The following NKAIN2 variants were observed in gnomAD, a reference collection of about 807,000 sequenced individuals.
NKAIN2 encodes sodium/potassium-transporting ATPase subunit beta-1-interacting protein 2.
Under a neutral mutation model 32.6 loss-of-function variants are expected in NKAIN2, and 14 were observed. The observed-to-expected ratio is 0.43, with a 90% CI of 0.28 to 0.67. The LOEUF (loss-of-function observed/expected upper bound fraction) is 0.67, where lower values mean the gene tolerates loss of function less well. NKAIN2 is among the 30% of genes least tolerant of loss of function. The pLI is 0.17. For missense variants in NKAIN2, 198 were observed against 258.3 expected, an observed-to-expected ratio of 0.77 and a Z score of 1.60; for synonymous variants, 80 against 87.2, an observed-to-expected ratio of 0.92 and a Z score of 0.46.
At chr6:124,161,016 T>G (rs940927208) in intron 1 of NKAIN2, among the ~76,000 whole-genome samples, 1 of 152,218 alleles carries the variant, frequency 6.6e-6, no homozygotes, top group South Asian at 2.1e-4. Flanking sequence ...TAACTTACAC[T>G]AAATGTGACT....
intron 3 of NKAIN2, among the ~76,000 whole-genome samples, chr6:124,516,971 A>G (rs373937160): frequency 6.6e-6 from 1 of 152,320 alleles, no homozygotes; most frequent in East Asian, 1.9e-4. Flanking sequence ...TCTGTTCTGC[A>G]AGGGACATCT....
chr6:124,090,375 G>T (rs938072531), intron 1 of NKAIN2, among the ~76,000 whole-genome samples: 2 of 152,006 alleles, frequency 1.3e-5, no homozygotes, highest in Non-Finnish European at 2.9e-5. Context: ...TGACATGTGG[G>T]TTGGCGGTGG....
chr6:124,461,486 T>C lies in NKAIN2; in HGVS notation c.273+106139T>C, dbSNP rs144405411. On this transcript the variant is annotated intron_variant, in intron 3 of 6. Transcript: ENST00000368417. ...TCTGTGTTGCTTTTTTATCTCCTTC[T>C]TAATTACTTTTAGAAAATTTCTCTT... is the stretch of plus-strand genomic sequence containing the variant. Among the ~76,000 whole-genome samples, 271 of 151,912 alleles carry C rather than the reference T, an allele frequency of 1.8e-3. 1 individual carries two copies. Among genetic ancestry groups the C allele is most frequent in the African/African-American group, 6.5e-3 (269 of 41,542 alleles).
chr6:124,761,743 G>A (rs1429885884), intron 4 of NKAIN2, among the ~76,000 whole-genome samples: 1 of 151,954 alleles, frequency 6.6e-6, no homozygotes, highest in Non-Finnish European at 1.5e-5. Context: ...TGCAACATTT[G>A]TCATTGTTAT....
At position 124,818,379 on chromosome 6, in the gene NKAIN2, CT is replaced by C; in HGVS notation, c.536-4del. ...TGAAAAGCTAATTAATGAATTGTCCCTTTTCAGTTGATTTCATAGGTGGCTT... is the reference window on the plus strand; with the variant it reads ...TGAAAAGCTAATTAATGAATTGTCCCTTTCAGTTGATTTCATAGGTGGCTT... On this transcript the variant is annotated splice_region_variant and splice_polypyrimidine_tract_variant and intron_variant, in intron 5 of 6. Coordinates refer to ENST00000368417, the MANE Select transcript of NKAIN2 (RefSeq NM_001040214.3). The C allele has an allele frequency of 1.9e-6, 3 of 1,554,852 alleles. No homozygotes were observed. Among genetic ancestry groups the C allele is most frequent in the Non-Finnish European group, 2.7e-6 (3 of 1,127,772 alleles).
intron 1 of NKAIN2, among the ~76,000 whole-genome samples, chr6:123,930,593 A>C (rs1776209941): frequency 6.6e-6 from 1 of 152,212 alleles, no homozygotes; most frequent in African/African-American, 2.4e-5. Context: ...CTGCTATGGT[A>C]CCTTGTTTTG....
In NKAIN2 at chr6:123,916,513, C is replaced by T. The variant is rs559468568; in HGVS notation, c.54+112259C>T. Among the ~76,000 whole-genome samples, 22 of 152,248 alleles carry T rather than the reference C, an allele frequency of 1.4e-4. No individual in the cohort carries two copies. The South Asian group carries it at 4.4e-3, about 30-fold the overall frequency. On this transcript the variant is annotated intron_variant, in intron 1 of 6. Coordinates refer to ENST00000368417, the MANE Select transcript of NKAIN2 (RefSeq NM_001040214.3). ...CCCTGACCTCAAGGGATCTGCCTGC[C>T]TCGGCCTCCCAAGTGGTGGAATTAC...
chr6:124,524,150 CA>C (rs1467176435), intron 3 of NKAIN2, among the ~76,000 whole-genome samples: 3 of 152,164 alleles, frequency 2.0e-5, no homozygotes, highest in Non-Finnish European at 2.9e-5. Context: ...ACAAGATCAA[CA>C]GGCATTAGTT....
intron 1 of NKAIN2, among the ~76,000 whole-genome samples, chr6:124,128,122 C>A (rs1232945951): frequency 6.6e-6 from 1 of 152,166 alleles, no homozygotes; most frequent in African/African-American, 2.4e-5. Flanking sequence ...AGCCACCGTG[C>A]CTGGCCCATG....
intron 1 of NKAIN2, among the ~76,000 whole-genome samples, chr6:124,026,906 T>A (rs1781137546): frequency 6.6e-6 from 1 of 152,162 alleles, no homozygotes; most frequent in Non-Finnish European, 1.5e-5. Context: ...TGTGGTCTAG[T>A]GTGTGTCTCC....
At chr6:124,184,547 T>C (rs892536466) in intron 1 of NKAIN2, among the ~76,000 whole-genome samples, 3 of 152,112 alleles carry the variant, frequency 2.0e-5, no homozygotes, top group African/African-American at 7.2e-5. Context: ...CAGCACTGAG[T>C]ATCCCTCACT....
intron 3 of NKAIN2, among the ~76,000 whole-genome samples, chr6:124,588,275 ATTTAG>A (rs1404380044): frequency 1.3e-5 from 2 of 152,106 alleles, no homozygotes; most frequent in African/African-American, 2.4e-5. Flanking sequence ...ATTTTTTGTA[ATTTAG>A]TTTATTCATC....
intron 1 of NKAIN2, among the ~76,000 whole-genome samples, chr6:123,987,896 G>A (rs1218522349): frequency 6.6e-6 from 1 of 152,150 alleles, no homozygotes; most frequent in Non-Finnish European, 1.5e-5. Context: ...CATATTCATA[G>A]GTGTCTTTCA....
chr6:123,847,059 A>T (rs1582641518), intron 1 of NKAIN2, among the ~76,000 whole-genome samples: 1 of 152,360 alleles, frequency 6.6e-6, no homozygotes, highest in East Asian at 1.9e-4. Context: ...CTTGGTTGAA[A>T]GGCTAATAAA....
intron 1 of NKAIN2, among the ~76,000 whole-genome samples, chr6:124,053,460 G>T (rs1432947302): frequency 6.6e-6 from 1 of 152,022 alleles, no homozygotes; most frequent in Non-Finnish European, 1.5e-5. Context: ...TCGGCAACAG[G>T]CTGTTTGCTA....
At chr6:123,987,986 C>T (rs2114681034) in intron 1 of NKAIN2, among the ~76,000 whole-genome samples, 1 of 152,242 alleles carries the variant, frequency 6.6e-6, no homozygotes, top group East Asian at 1.9e-4. Context: ...GTATATGAGA[C>T]AGGTGAATGG....
intron 2 of NKAIN2, among the ~76,000 whole-genome samples, chr6:124,343,332 T>C (rs1798230501): frequency 6.6e-6 from 1 of 151,554 alleles, no homozygotes; most frequent in Non-Finnish European, 1.5e-5. Context: ...TTATAGTCCT[T>C]TGGGTATATA....
At chr6:124,625,428 G>C (rs563265349) in intron 3 of NKAIN2, among the ~76,000 whole-genome samples, 2 of 152,100 alleles carry the variant, frequency 1.3e-5, no homozygotes, top group African/African-American at 4.8e-5. Flanking sequence ...ACCAGGGCAG[G>C]ACAATGCGAG....
chr6:124,608,267 C>G (rs1782568168), intron 3 of NKAIN2, among the ~76,000 whole-genome samples: 1 of 152,058 alleles, frequency 6.6e-6, no homozygotes, highest in Non-Finnish European at 1.5e-5. Flanking sequence ...GTAAAGAATA[C>G]TTTTTACTCA....
Sources: gnomAD v4.1 joint callset for allele counts (sites outside exome capture counted in the v4.1 genomes callset) on GRCh38, gnomAD v4.1.1 for gene constraint, MANE v1.5 for transcripts, NCBI Gene and HGNC (gene_info 2026-07-23, HGNC 2026-07-21) for gene names.